The following KIRREL3 variants were observed in gnomAD, a reference collection of about 807,000 sequenced individuals.
KIRREL3 encodes the protein kirre like nephrin family adhesion molecule 3.
Under a neutral mutation model 89.7 loss-of-function variants are expected in KIRREL3, and 36 were observed. The observed-to-expected ratio is 0.40, with a 90% confidence interval of 0.31 to 0.53. KIRREL3 has a LOEUF of 0.53. Among genes scored for constraint, KIRREL3 ranks in the 20% least tolerant of loss-of-function variants. The pLI is 0.49. For missense variants in KIRREL3, 864 were observed against 1,056.6 expected, an observed-to-expected ratio of 0.82 and a Z score of 2.53; for synonymous variants, 445 against 441.4, an observed-to-expected ratio of 1.01 and a Z score of -0.10.
At position 126,685,157 on chromosome 11, in the gene KIRREL3, A is replaced by G. The variant is rs951530667; in HGVS notation, c.56-122245T>C. Among the ~76,000 whole-genome samples, 1 of 152,248 alleles carries G rather than the reference A, an allele frequency of 6.6e-6. No individual in the cohort carries two copies. The highest frequency in any genetic ancestry group is 1.5e-5 in the Non-Finnish European group (1 of 68,046). ...GTGCAAGGGGACCTCGAAGAAGCCC[A>G]GTGTGACAAGGATTGAGAGGTGTGC... On this transcript the variant is annotated intron_variant, in intron 1 of 16. Transcript: ENST00000525144. The surrounding 1 kb of genome is among the most constrained non-coding windows in gnomAD (Gnocchi z 5.5).
At chr11:126,862,778 GAGAC>G (rs1944745467) in intron 1 of KIRREL3, among the ~76,000 whole-genome samples, 1 of 152,198 alleles carries the variant, frequency 6.6e-6, no homozygotes, top group African/African-American at 2.4e-5. Flanking sequence ...TATGAGCTGA[GAGAC>G]AGAACAGCCA....
At chr11:126,893,794 C>A (rs1172820235) in intron 1 of KIRREL3, among the ~76,000 whole-genome samples, 1 of 152,220 alleles carries the variant, frequency 6.6e-6, no homozygotes, top group African/African-American at 2.4e-5. Context: ...CCTTAACATT[C>A]ATAGTTTCAT....
chr11:126,475,549 G>A lies in KIRREL3; in HGVS notation c.434-2083C>T, dbSNP rs1240005030. On this transcript the variant is annotated intron_variant, in intron 4 of 16. Coordinates refer to ENST00000525144, the MANE Select transcript of KIRREL3 (RefSeq NM_032531.4). The surrounding 1 kb of genome is among the most constrained non-coding windows in gnomAD (Gnocchi z 7.5). ...TCCGAGAAGCCATCACTGACCCCAGGGGCAGCGAGCCCCGGACTCCACCGA... is the reference window on the plus strand; with the variant it reads ...TCCGAGAAGCCATCACTGACCCCAGAGGCAGCGAGCCCCGGACTCCACCGA... Among the ~76,000 whole-genome samples the A allele has an allele frequency of 1.3e-5, 2 of 150,722 alleles. No individual in the cohort carries two copies. The highest frequency in any genetic ancestry group is 4.0e-4 in the East Asian group (2 of 5,050).
intron 4 of KIRREL3, among the ~76,000 whole-genome samples, chr11:126,505,551 A>G (rs939200776): frequency 1.3e-4 from 19 of 149,846 alleles, no homozygotes; most frequent in Non-Finnish European, 7.4e-5. Flanking sequence ...AGCCTGGGCA[A>G]CAAGAGTGTA....
At position 126,768,545 on chromosome 11, in the gene KIRREL3, A is replaced by G. The variant is rs1051299723; in HGVS notation, c.56-205633T>C. On this transcript the variant is annotated intron_variant, in intron 1 of 16. Coordinates refer to ENST00000525144, the MANE Select transcript of KIRREL3 (RefSeq NM_032531.4). This position sits in a 1 kb window ranked among gnomAD's most constrained non-coding sequence, Gnocchi z 4.5. ...ATTCCAACAGTCAGAAGTGCAAGGA[A>G]GAAAGAAAAACAGGGGCATGAGCTA... 6.6e-6 allele frequency among the ~76,000 whole-genome samples: 1 copy of G among 152,230 alleles called. No homozygotes were observed. The highest frequency in any genetic ancestry group is 2.4e-5 in the African/African-American group (1 of 41,454).
Position 126,807,849 on chromosome 11 carries a change from A to G in KIRREL3, c.55+192606T>C, listed in dbSNP as rs1021952885. Among the ~76,000 whole-genome samples the G allele has an allele frequency of 6.6e-6, 1 of 152,158 alleles. No individual in the cohort carries two copies. The highest frequency in any genetic ancestry group is 1.5e-5 in the Non-Finnish European group (1 of 68,034). On this transcript the variant is annotated intron_variant, in intron 1 of 16. Coordinates refer to ENST00000525144, the MANE Select transcript of KIRREL3 (RefSeq NM_032531.4). The surrounding 1 kb of genome is among the most constrained non-coding windows in gnomAD (Gnocchi z 4.3). ...GCACTCTGTTAGGCACTTTACATAT[A>G]TTGTCTCAAATAATAGTCCTCATAG...
Position 126,906,717 on chromosome 11 carries a change from G to A in KIRREL3, c.55+93738C>T, listed in dbSNP as rs1465984870. Among the ~76,000 whole-genome samples the A allele has an allele frequency of 1.3e-5, 2 of 152,134 alleles. No individual in the cohort carries two copies. Among genetic ancestry groups the A allele is most frequent in the Admixed American group, 6.5e-5 (1 of 15,276 alleles). On this transcript the variant is annotated intron_variant, in intron 1 of 16. Coordinates refer to ENST00000525144, the MANE Select transcript of KIRREL3 (RefSeq NM_032531.4). This position sits in a 1 kb window ranked among gnomAD's most constrained non-coding sequence, Gnocchi z 4.1. ...ACTGCACGCATTATAAGGCAAATTA[G>A]ATCCTGAAAGTCTGCACTGCACTCG...
At chr11:126,726,577 A>G (rs1948390119) in intron 1 of KIRREL3, among the ~76,000 whole-genome samples, 2 of 152,172 alleles carry the variant, frequency 1.3e-5, no homozygotes, top group Non-Finnish European at 1.5e-5. Flanking sequence ...CATGTTGGCC[A>G]GGCTGGTTTC....
At chr11:126,690,906 T>G (rs143398516) in intron 1 of KIRREL3, among the ~76,000 whole-genome samples, 150 of 152,370 alleles carry the variant, frequency 9.8e-4, no homozygotes, top group African/African-American at 3.4e-3. Context: ...CTCTTCACAC[T>G]GTGCGAAGTC....
At chr11:126,982,858 G>C (rs1184255113) in intron 1 of KIRREL3, among the ~76,000 whole-genome samples, 2 of 152,176 alleles carry the variant, frequency 1.3e-5, no homozygotes, top group African/African-American at 4.8e-5. Flanking sequence ...AAAGACAGGA[G>C]GAGGCCAAGG....
Position 126,811,888 on chromosome 11 carries a change from G to A in KIRREL3, c.55+188567C>T, listed in dbSNP as rs545164475. Among the ~76,000 whole-genome samples, 2 of 152,238 alleles carry A rather than the reference G, an allele frequency of 1.3e-5. No homozygotes were observed. The highest frequency in any genetic ancestry group is 4.1e-4 in the South Asian group (2 of 4,822). On this transcript the variant is annotated intron_variant, in intron 1 of 16. Coordinates refer to ENST00000525144, the MANE Select transcript of KIRREL3 (RefSeq NM_032531.4). This position sits in a 1 kb window ranked among gnomAD's most constrained non-coding sequence, Gnocchi z 4.3. ...AGGTGTGAGCCACTGTGCCTGGCCA[G>A]CAATGAACTTCTAAGAGAAATCAGA...
chr11:126,866,800 G>C (rs1423140022), intron 1 of KIRREL3, among the ~76,000 whole-genome samples: 1 of 152,152 alleles, frequency 6.6e-6, no homozygotes, highest in African/African-American at 2.4e-5. Flanking sequence ...TTGGTCAGAG[G>C]AGAGTCTGAC....
At chr11:126,554,532 T>A (rs911759083) in intron 2 of KIRREL3, among the ~76,000 whole-genome samples, 8 of 152,130 alleles carry the variant, frequency 5.3e-5, no homozygotes, top group African/African-American at 1.9e-4. Context: ...CTTTTAAAAG[T>A]CTATGATTGT....
chr11:126,458,873 A>G (rs533352944), intron 6 of KIRREL3, among the ~76,000 whole-genome samples: 21 of 152,106 alleles, frequency 1.4e-4, no homozygotes, highest in African/African-American at 4.8e-4. Context: ...GAACCCCGTG[A>G]CCTCTCCTCG....
chr11:126,992,218 G>T (rs1416941090), intron 1 of KIRREL3, among the ~76,000 whole-genome samples: 1 of 152,208 alleles, frequency 6.6e-6, no homozygotes, highest in Non-Finnish European at 1.5e-5. Flanking sequence ...TAAATAGATT[G>T]TTGCTAAGAG....
chr11:126,683,359 C>T lies in KIRREL3; in HGVS notation c.56-120447G>A, dbSNP rs374067070. Among the ~76,000 whole-genome samples the T allele has an allele frequency of 1.5e-4, 23 of 152,206 alleles. No homozygotes were observed. In the East Asian group the frequency reaches 1.9e-3, roughly 13 times the overall value. ...CTGATGGTTTGCAAGTAAGTGGGAT[C>T]GACCGTGGGGTCTCTGGACAGCTCC... On this transcript the variant is annotated intron_variant, in intron 1 of 16. Transcript: ENST00000525144. This position sits in a 1 kb window ranked among gnomAD's most constrained non-coding sequence, Gnocchi z 5.2.
intron 1 of KIRREL3, among the ~76,000 whole-genome samples, chr11:126,919,864 T>C (rs974966650): frequency 3.9e-5 from 6 of 152,120 alleles, no homozygotes; most frequent in Non-Finnish European, 7.4e-5. Context: ...CCAGTAACAA[T>C]AGTGTAACTG....
intron 7 of KIRREL3, among the ~76,000 whole-genome samples, chr11:126,451,798 C>G (rs1956183944): frequency 1.1e-5 from 1 of 95,102 alleles, no homozygotes; most frequent in Non-Finnish European, 2.1e-5. Context: ...TGGTTTAATC[C>G]TACTCTGATC....
rs185608698 is a variant in KIRREL3 at position 126,883,235 on chromosome 11, G to A, written c.55+117220C>T. Among the ~76,000 whole-genome samples, 52 of 152,278 alleles carry A rather than the reference G, an allele frequency of 3.4e-4. No individual in the cohort carries two copies. In the East Asian group the frequency reaches 9.7e-3, roughly 28 times the overall value. ...ATCTGCTATAGAGAGTTCTTGAGAA[G>A]CCAGGAATAGTTAAGAGGAAATTGA... On this transcript the variant is annotated intron_variant, in intron 1 of 16. Transcript: ENST00000525144. The surrounding 1 kb of genome is among the most constrained non-coding windows in gnomAD (Gnocchi z 4.1).
Sources: gnomAD v4.1 joint callset for allele counts (sites outside exome capture counted in the v4.1 genomes callset) on GRCh38, gnomAD v4.1.1 for gene constraint, Gnocchi (gnomAD v3.1) non-coding constraint, MANE v1.5 for transcripts, NCBI Gene and HGNC (gene_info 2026-07-23, HGNC 2026-07-21) for gene names.